The following DSCAM variants were observed in gnomAD, a reference collection of about 807,000 sequenced individuals.
DSCAM encodes DS cell adhesion molecule, also known as cell adhesion molecule DSCAM.
DSCAM carries 47 observed loss-of-function variants against 217.7 expected under a neutral mutation model. That is an observed-to-expected ratio of 0.22 (90% CI 0.17 to 0.28). The LOEUF is 0.28. DSCAM is among the 10% of genes least tolerant of loss of function. The probability of loss-of-function intolerance (pLI) is 1.00; values close to 1 mark genes in which losing one functional copy is unlikely to be tolerated. For synonymous variants in DSCAM, 1,056 were observed against 1,015.3 expected, an observed-to-expected ratio of 1.04 and a Z score of -0.76; for missense variants, 2,080 against 2,618.3, an observed-to-expected ratio of 0.79 and a Z score of 4.49.
chr21:40,804,288 G>GT (rs533853565), intron 1 of DSCAM, among the ~76,000 whole-genome samples: 104 of 152,320 alleles, frequency 6.8e-4, no homozygotes, highest in African/African-American at 2.5e-3. Flanking sequence ...ACAGAAGGTT[G>GT]TTTTTCCAGA....
chr21:40,429,024 G>A (rs1351787340), intron 3 of DSCAM, among the ~76,000 whole-genome samples: 2 of 151,410 alleles, frequency 1.3e-5, no homozygotes, highest in East Asian at 3.9e-4. Context: ...TGTATAGGAG[G>A]CTCTGAGCTT....
intron 10 of DSCAM, among the ~76,000 whole-genome samples, chr21:40,290,918 A>T (rs2073884018): frequency 6.6e-6 from 1 of 152,264 alleles, no homozygotes; most frequent in African/African-American, 2.4e-5. Context: ...AGAACAGAAC[A>T]TAGAGGGTCT....
At chr21:40,771,529 G>C (rs1185147591) in intron 1 of DSCAM, among the ~76,000 whole-genome samples, 1 of 152,176 alleles carries the variant, frequency 6.6e-6, no homozygotes, top group Non-Finnish European at 1.5e-5. Flanking sequence ...AAGGCTTCCG[G>C]ACCAGGTTTC....
At chr21:40,225,974 C>T (rs115655293) in intron 11 of DSCAM, among the ~76,000 whole-genome samples, 3 of 152,276 alleles carry the variant, frequency 2.0e-5, no homozygotes, top group Admixed American at 6.5e-5. Flanking sequence ...ATATCTATTC[C>T]CTTATGGGTT....
intron 3 of DSCAM, among the ~76,000 whole-genome samples, chr21:40,542,189 AAAAT>A (rs1408598124): frequency 2.0e-5 from 3 of 152,240 alleles, no homozygotes; most frequent in African/African-American, 2.4e-5. Flanking sequence ...AATGTTTCAA[AAAAT>A]AAATACTCAA....
intron 11 of DSCAM, among the ~76,000 whole-genome samples, chr21:40,275,761 AG>A (rs1778347497): frequency 6.6e-6 from 1 of 152,190 alleles, no homozygotes; most frequent in Non-Finnish European, 1.5e-5. Flanking sequence ...GAAAATCAAC[AG>A]GGTAGCAATG....
At chr21:40,404,082 ACTCTCTTATTT>A (rs930160718) in intron 3 of DSCAM, among the ~76,000 whole-genome samples, 1 of 151,582 alleles carries the variant, frequency 6.6e-6, no homozygotes, top group Non-Finnish European at 1.5e-5. Flanking sequence ...TCCCTTGCTG[ACTCTCTTATTT>A]CTCTCTTATT....
At chr21:40,683,377 TCAAA>T (rs2090436130) in intron 3 of DSCAM, among the ~76,000 whole-genome samples, 1 of 151,336 alleles carries the variant, frequency 6.6e-6, no homozygotes, top group Non-Finnish European at 1.5e-5. Context: ...AACTATTATC[TCAAA>T]CAGTTTGCCA....
At chr21:40,141,944 A>C (rs1186337003) in intron 18 of DSCAM, among the ~76,000 whole-genome samples, 1 of 145,724 alleles carries the variant, frequency 6.9e-6, no homozygotes, top group Non-Finnish European at 1.5e-5. Context: ...TGCCCTAAAC[A>C]AACAGGAACA....
At chr21:40,559,201 G>A (rs1402460971) in intron 3 of DSCAM, among the ~76,000 whole-genome samples, 3 of 152,204 alleles carry the variant, frequency 2.0e-5, no homozygotes, top group Non-Finnish European at 4.4e-5. Context: ...GCTCAAGCCT[G>A]TAATCCCAGA....
At chr21:40,055,526 G>GT (rs984456770) in intron 29 of DSCAM, among the ~76,000 whole-genome samples, 199 bp downstream of exon 29, 1 of 152,138 alleles carries the variant, frequency 6.6e-6, no homozygotes, top group African/African-American at 2.4e-5. Flanking sequence ...ATATATGGTG[G>GT]TATATATAAG....
chr21:40,156,283 AAGACAGAGAGAGAGAGAGAG>A (rs1431066826), intron 16 of DSCAM, among the ~76,000 whole-genome samples: 4 of 86,168 alleles, frequency 4.6e-5, no homozygotes, highest in African/African-American at 1.2e-4. Flanking sequence ...CAGTCAAACT[AAGACAGAGAGAGAGAGAGAG>A]AGAGAGAGAG....
At chr21:40,675,964 G>A (rs770098601) in intron 3 of DSCAM, among the ~76,000 whole-genome samples, 7 of 152,022 alleles carry the variant, frequency 4.6e-5, no homozygotes, top group Non-Finnish European at 5.9e-5. Context: ...AAGCAGCATC[G>A]TCTTAGATCC....
rs754761952 is a variant in DSCAM at position 40,339,268 on chromosome 21, T to C, written c.1358A>G (p.His453Arg). ...CGACGTGATCATCTGGCTGATGCGG[T>C]GACTGCCACCCTTGAGAATCGGGTC... is the stretch of plus-strand genomic sequence containing the variant. ...DDDPILKGGS[H>R]RISQMITSEG... The change falls in exon 7 of 33, where the codon CAC (histidine) becomes CGC (arginine). Residue 453 changes from histidine (H) to arginine (R), a missense_variant. Physicochemically the swap from His to Arg is conservative, Grantham distance 29 (BLOSUM62 0). This residue lies in a region of DSCAM where 568 missense variants were observed against 678.1 expected (regional missense o/e 0.84). Coordinates refer to ENST00000400454, the MANE Select transcript of DSCAM (RefSeq NM_001389.5). 2 of 1,614,148 alleles carry C rather than the reference T, an allele frequency of 1.2e-6. No homozygotes were observed. The highest frequency in any genetic ancestry group is 1.7e-6 in the Non-Finnish European group (2 of 1,180,024).
At chr21:40,576,910 A>G (rs2076855367) in intron 3 of DSCAM, among the ~76,000 whole-genome samples, 1 of 151,924 alleles carries the variant, frequency 6.6e-6, no homozygotes, top group African/African-American at 2.4e-5. Flanking sequence ...CAGGCGAGTT[A>G]GAGAAAACGC....
At chr21:40,662,880 C>G (rs1353289961) in intron 3 of DSCAM, among the ~76,000 whole-genome samples, 1 of 152,106 alleles carries the variant, frequency 6.6e-6, no homozygotes, top group Non-Finnish European at 1.5e-5. Flanking sequence ...CGCAGTCCAT[C>G]AAACTTTATT....
chr21:40,605,251 C>A (rs966123523), intron 3 of DSCAM, among the ~76,000 whole-genome samples: 4 of 152,178 alleles, frequency 2.6e-5, no homozygotes, highest in African/African-American at 9.7e-5. Context: ...GCTTCTGCCC[C>A]CTGTAAGCTG....
chr21:40,546,968 G>C (rs2076588246), intron 3 of DSCAM, among the ~76,000 whole-genome samples: 1 of 152,034 alleles, frequency 6.6e-6, no homozygotes, highest in African/African-American at 2.4e-5. Context: ...CCAGTTATTG[G>C]GGGCAAGGGG....
At chr21:40,530,986 G>A (rs2076441401) in intron 3 of DSCAM, among the ~76,000 whole-genome samples, 1 of 151,756 alleles carries the variant, frequency 6.6e-6, no homozygotes, top group Non-Finnish European at 1.5e-5. Context: ...GGCTTCCCTA[G>A]ACTCCCCTCG....
Sources: allele counts gnomAD v4.1 joint callset (sites outside exome capture counted in the v4.1 genomes callset), GRCh38; gene constraint gnomAD v4.1.1; regional missense constraint gnomAD v4.1.1; transcripts MANE v1.5; gene names NCBI Gene and HGNC (gene_info 2026-07-23, HGNC 2026-07-21).